USP28: variants seen among roughly 807,000 people sequenced by gnomAD.
The protein encoded by USP28 is ubiquitin carboxyl-terminal hydrolase 28.
Under a neutral mutation model 145.0 loss-of-function variants are expected in USP28, and 113 were observed. The ratio of observed to expected loss-of-function variants is 0.78; its 90% CI spans 0.67 to 0.91. The LOEUF (loss-of-function observed/expected upper bound fraction) is 0.91. USP28 is among the 40% of genes least tolerant of loss of function. The pLI is 0.00. For synonymous variants in USP28, 447 were observed against 450.9 expected (o/e 0.99, Z 0.11); for missense variants, 1,201 against 1,289.6 (o/e 0.93, Z 1.05).
At chr11:113,808,233 A>G in intron 18 of USP28, 65 bp downstream of exon 18, 1 of 1,577,686 alleles carries the variant, frequency 6.3e-7, no homozygotes, top group Non-Finnish European at 8.6e-7. Flanking sequence ...TAGAAATGTG[A>G]GAAAACTGGC....
intron 13 of USP28, among the ~76,000 whole-genome samples, chr11:113,817,276 G>A (rs763296804): frequency 1.3e-5 from 2 of 152,148 alleles, no homozygotes; most frequent in Non-Finnish European, 2.9e-5. Flanking sequence ...CTCTTTCCTT[G>A]ATGTTTCTTA....
intron 6 of USP28, among the ~76,000 whole-genome samples, chr11:113,833,949 C>T (rs1944299767): frequency 6.6e-6 from 1 of 152,216 alleles, no homozygotes; most frequent in African/African-American, 2.4e-5. Flanking sequence ...ATCTCTCCAG[C>T]ATCACATTGC....
exon 25 of USP28, chr11:113,799,325 C>T (rs1938500930): frequency 1.9e-6 from 3 of 1,613,964 alleles, no homozygotes; most frequent in Non-Finnish European, 2.5e-6. Flanking sequence ...AGAATTGGGT[C>T]GAATAGTTGG....
rs968038640 is a variant in USP28 at position 113,840,595 on chromosome 11, T to A, written c.534+3A>T. On this transcript the variant is annotated splice_donor_region_variant and intron_variant, in intron 5 of 24. Coordinates refer to ENST00000003302, the Ensembl canonical transcript of USP28. ...ACACAGTTATCTCTTAAAAATATCA[T>A]ACCTGAATAACAGCACTAAACCAAC... 6.2e-7 allele frequency: 1 copy of A among 1,610,448 alleles called. No homozygotes were observed. Among genetic ancestry groups the A allele is most frequent in the Admixed American group, 1.7e-5 (1 of 59,578 alleles).
intron 19 of USP28, 146 bp downstream of exon 20, chr11:113,806,343 T>C: frequency 1.6e-6 from 1 of 635,182 alleles, no homozygotes; most frequent in East Asian, 3.0e-5. Context: ...CAAGTGAGCC[T>C]CTACTTCAGC....
In USP28 at chr11:113,806,621, G is replaced by A. The variant is rs1591490936; in HGVS notation, c.2305-37C>T. The A allele has an allele frequency of 2.8e-6, 4 of 1,424,398 alleles. No individual in the cohort carries two copies. In the Admixed American group the frequency reaches 8.9e-5, roughly 32 times the overall value. The allele number at this position is 1,424,398 out of a possible 1,614,324, so 88.2% of individuals were successfully genotyped here. On this transcript the variant is annotated intron_variant, in intron 18 of 24. Coordinates refer to ENST00000003302, the Ensembl canonical transcript of USP28. Reference sequence around the variant, plus strand: ...GGGCACAAAACACAGAGAGAAAGGAGAGAAGAAAGGTTCAGCAGAAGACTG... The same window carrying A: ...GGGCACAAAACACAGAGAGAAAGGAAAGAAGAAAGGTTCAGCAGAAGACTG...
At chr11:113,834,427 T>A in intron 5 of USP28, 92 bp from the exon 6 acceptor site, 1 of 894,714 alleles carries the variant, frequency 1.1e-6, no homozygotes, top group Non-Finnish European at 1.6e-6. Context: ...TATTTCATAT[T>A]TAAAAGTATG....
chr11:113,838,517 T>C (rs1944839170), intron 5 of USP28, among the ~76,000 whole-genome samples: 2 of 152,208 alleles, frequency 1.3e-5, no homozygotes, highest in South Asian at 4.1e-4. Context: ...TATTTGCTAT[T>C]TGTCAGACAC....
exon 3 of USP28, chr11:113,852,585 T>C: frequency 6.2e-7 from 1 of 1,614,154 alleles, no homozygotes; most frequent in South Asian, 1.1e-5. Context: ...TCCTTAACTC[T>C]CTCATCAGTG....
At chr11:113,824,931 TAAA>T (rs751056158) in intron 11 of USP28, among the ~76,000 whole-genome samples, 2 of 118,398 alleles carry the variant, frequency 1.7e-5, no homozygotes, top group Admixed American at 8.9e-5. Flanking sequence ...AACTCCGTCT[TAAA>T]AAAAAAAAAA....
chr11:113,830,998 C>T (rs749282271), intron 8 of USP28, 55 bp from the exon 9 acceptor site: 38 of 1,585,648 alleles, frequency 2.4e-5, no homozygotes, highest in Non-Finnish European at 2.1e-5. Flanking sequence ...ATATGTGCTA[C>T]ATAAAATCCA....
At chr11:113,845,269 T>G (rs1291537182) in intron 3 of USP28, among the ~76,000 whole-genome samples, 2 of 151,722 alleles carry the variant, frequency 1.3e-5, no homozygotes, top group Non-Finnish European at 2.9e-5. Flanking sequence ...TGAAACACCG[T>G]CTCTACTAAA....
At chr11:113,802,160 G>C (rs1939152613) in intron 23 of USP28, among the ~76,000 whole-genome samples, 1 of 152,170 alleles carries the variant, frequency 6.6e-6, no homozygotes, top group Non-Finnish European at 1.5e-5. Flanking sequence ...ATAATGGAAA[G>C]AGTCTAAATC....
chr11:113,803,793 C>T lies in USP28; in HGVS notation c.2738+5G>A. ...TAATCTTGGTAAAATAAAAGGCCAA[C>T]ATACTTTCCTTTTTGATAGAGTTCT... On this transcript the variant is annotated splice_donor_5th_base_variant and intron_variant, in intron 22 of 24. Transcript: ENST00000003302. 6.2e-7 allele frequency: 1 copy of T among 1,609,764 alleles called. No homozygotes were observed.
At chr11:113,824,950 AGAT>A (rs1256349645) in intron 11 of USP28, among the ~76,000 whole-genome samples, 1 of 149,248 alleles carries the variant, frequency 6.7e-6, no homozygotes, top group African/African-American at 2.5e-5. Context: ...AAAAAAAAAA[AGAT>A]GTCAATTTTC....
At chr11:113,825,699 C>A (rs1354065739) in intron 11 of USP28, among the ~76,000 whole-genome samples, 3 of 152,110 alleles carry the variant, frequency 2.0e-5, no homozygotes, top group Non-Finnish European at 4.4e-5. Context: ...ATGGGTGAAT[C>A]CCAAAAACAT....
chr11:113,812,866 G>A (rs910816015), intron 15 of USP28, among the ~76,000 whole-genome samples: 2 of 152,152 alleles, frequency 1.3e-5, no homozygotes, highest in Admixed American at 1.3e-4. Context: ...TAGCATATTT[G>A]GGACCTACAA....
rs760160426 is a variant in USP28, at chr11:113,806,514, T to C, written c.2375A>G (p.Asp792Gly). The C allele has an allele frequency of 1.9e-6, 3 of 1,611,908 alleles. No individual in the cohort carries two copies. In the Admixed American group the frequency reaches 5.0e-5, roughly 27 times the overall value. ...CTTAATCAGCCCTGCTTCAGACCCA[T>C]CTCGGTCAAAGGTCTGACGGGCTTT... The change falls in exon 19 of 25, where the codon GAT becomes GGT. Residue 792 changes from aspartate to glycine, a missense_variant. Transcript: ENST00000003302.
chr11:113,869,209 G>C (rs1948581178), intron 1 of USP28, among the ~76,000 whole-genome samples: 3 of 152,208 alleles, frequency 2.0e-5, no homozygotes, highest in Admixed American at 1.3e-4. Context: ...AAGGCAGACG[G>C]ATCACCGGAG....
Sources: gnomAD v4.1 joint callset for allele counts (sites outside exome capture counted in the v4.1 genomes callset) on GRCh38, gnomAD v4.1.1 for gene constraint, MANE v1.5 for transcripts, NCBI Gene and HGNC (gene_info 2026-07-23, HGNC 2026-07-21) for gene names.